Variants in SBK2 observed in about 807,000 individuals in gnomAD.
The protein encoded by SBK2 is SH3 domain binding kinase family member 2, also known as serine/threonine-protein kinase SBK2.
SBK2 carries 18 observed loss-of-function variants against 15.9 expected under a neutral mutation model. The observed-to-expected ratio is 1.13, with a 90% CI of 0.78 to 1.68. The LOEUF (loss-of-function observed/expected upper bound fraction) is 1.68. Ranked by LOEUF, SBK2 falls within the 40% of genes most tolerant of loss-of-function variation. The pLI, the probability that SBK2 is intolerant of heterozygous loss-of-function variation, is 0.00. For missense variants in SBK2, 581 were observed against 510.9 expected, an observed-to-expected ratio of 1.14 and a Z score of -1.32; for synonymous variants, 284 against 246.8, an observed-to-expected ratio of 1.15 and a Z score of -1.41.
chr19:55,533,165 T>C (rs934123564), intron 2 of SBK2, among the ~76,000 whole-genome samples: 2 of 151,520 alleles, frequency 1.3e-5, no homozygotes, highest in Non-Finnish European at 2.9e-5. Flanking sequence ...ACCCCATCTC[T>C]ACTAAAAAAT....
chr19:55,534,917 C>T (rs906264679), intron 2 of SBK2, among the ~76,000 whole-genome samples: 3 of 150,946 alleles, frequency 2.0e-5, no homozygotes, highest in Admixed American at 6.6e-5. Context: ...CCCAGCTACT[C>T]GGGGGGCTGA....
At position 55,536,252 on chromosome 19, in the gene SBK2, C is replaced by A. The variant is rs752351044; in HGVS notation, c.43G>T (p.Ala15Ser). The A allele has an allele frequency of 1.9e-6, 3 of 1,592,446 alleles. No homozygotes were observed. Among genetic ancestry groups the A allele is most frequent in the East Asian group, 4.6e-5 (2 of 43,426 alleles). ...QSEEGPAEAG[A>S]SEDSEEEGLG... is the part of the protein sequence containing the mutation. ...CCCTCCTCCTCGCTGTCCTCCGAAG[C>A]CCCTGCCTCCGCCGGCCCTTCCTCA... The change falls in exon 2 of 4, where the codon GCT (alanine) becomes TCT (serine). Residue 15 changes from alanine to serine, a missense_variant. Transcript: ENST00000413299.
rs1323576317 is a variant in SBK2, at chr19:55,529,859, C to A, written c.921G>T (p.Leu307=). 6.2e-7 allele frequency: 1 copy of A among 1,600,754 alleles called. No homozygotes were observed. Among genetic ancestry groups the A allele is most frequent in the Non-Finnish European group, 8.5e-7 (1 of 1,177,116 alleles). The change falls in exon 4 of 4, where the codon CTG becomes CTT. Residue 307 remains leucine, a synonymous_variant. Coordinates refer to ENST00000413299, the MANE Select transcript of SBK2 (RefSeq NM_001370096.2). ...TCCTCCTTCGGGGGTGAGGGTCCAG[C>A]AGCCCCCGCAGAAGCGCGTCGGCCG... ...AAAADALLRG[L]LDPHPRRRSA... is the part of the protein sequence containing the mutation.
intron 2 of SBK2, among the ~76,000 whole-genome samples, chr19:55,533,169 A>G (rs1988312199): frequency 6.6e-6 from 1 of 151,348 alleles, no homozygotes; most frequent in Admixed American, 6.6e-5. Context: ...CATCTCTACT[A>G]AAAAATACAA....
rs199864387 is a variant in SBK2 at position 55,530,021 on chromosome 19, G to C, written c.759C>G (p.Leu253=). 794 of 1,510,020 alleles carry C rather than the reference G, an allele frequency of 5.3e-4. 9 individuals are homozygous for C. The African/African-American group carries it at 0.01, about 19-fold the overall frequency. The allele number at this position is 1,510,020 out of a possible 1,614,324, so 93.5% of individuals were successfully genotyped here. A position where few individuals can be genotyped will look rare whatever the true frequency, so the allele number is the denominator to read the frequency against. ...ALDAWALGVL[L]FCLLTGYFPW... The stretch of plus-strand genomic sequence containing the variant: ...GGAAGTAGCCCGTGAGGAGGCAGAA[G>C]AGCAGGACGCCCAGCGCCCAGGCGT... The change falls in exon 4 of 4, where the codon CTC becomes CTG. Residue 253 remains leucine (L), a synonymous_variant. Transcript: ENST00000413299.
chr19:55,536,035 C>G lies in SBK2; in HGVS notation c.253+7G>C. On this transcript the variant is annotated splice_region_variant and intron_variant, in intron 2 of 3. Coordinates refer to ENST00000413299, the MANE Select transcript of SBK2 (RefSeq NM_001370096.2). Reference sequence around the variant, plus strand: ...ACCCTGCCACCTCTGGCCCCACAGCCTCGTACCTTTCTGACGATGGGTGAC... The same window carrying G: ...ACCCTGCCACCTCTGGCCCCACAGCGTCGTACCTTTCTGACGATGGGTGAC... 1.4e-6 allele frequency: 2 copies of G among 1,468,322 alleles called. No homozygotes were observed. Among genetic ancestry groups the G allele is most frequent in the Non-Finnish European group, 1.8e-6 (2 of 1,103,116 alleles). 91.0% of individuals were successfully genotyped at this position (1,468,322 alleles called of 1,614,324 possible). A position where few individuals can be genotyped will look rare whatever the true frequency, so the allele number is the denominator to read the frequency against.
Position 55,531,249 on chromosome 19 carries a change from G to A in SBK2, c.350C>T (p.Ser117Leu). ...FCVGLSLGAH[S>L]AIVTAYGIGI... ...AATGCCGTAGGCCGTCACGATGGCTGAGTGCGCGCCCAGCGAGAGCCCCAC... is the reference window on the plus strand; with the variant it reads ...AATGCCGTAGGCCGTCACGATGGCTAAGTGCGCGCCCAGCGAGAGCCCCAC... The change falls in exon 3 of 4, where the codon TCA becomes TTA. Residue 117 changes from serine to leucine, a missense_variant. Physicochemically the swap from Ser to Leu is moderately radical, Grantham distance 145. Transcript: ENST00000413299. 6.2e-7 allele frequency: 1 copy of A among 1,613,716 alleles called. No individual in the cohort carries two copies. The highest frequency in any genetic ancestry group is 1.1e-5 in the South Asian group (1 of 91,072).
chr19:55,529,632 C>T lies in SBK2; in HGVS notation c.*101G>A. 1 of 1,454,064 alleles carries T rather than the reference C, an allele frequency of 6.9e-7. No homozygotes were observed. Among genetic ancestry groups the T allele is most frequent in the Non-Finnish European group, 9.1e-7 (1 of 1,101,962 alleles). 90.1% of individuals were successfully genotyped at this position (1,454,064 alleles called of 1,614,324 possible). On this transcript the variant is annotated 3_prime_UTR_variant, in exon 4 of 4. Coordinates refer to ENST00000413299, the MANE Select transcript of SBK2 (RefSeq NM_001370096.2). ...AGGAGGAGGACGCCGAGGGGAATCC[C>T]AAGCCCCATGGATGAAAACACACCG...
At chr19:55,534,713 A>AAG (rs1476030479) in intron 2 of SBK2, among the ~76,000 whole-genome samples, 1 of 147,692 alleles carries the variant, frequency 6.8e-6, no homozygotes, top group Non-Finnish European at 1.5e-5. Flanking sequence ...TCAAAAAAAA[A>AAG]AAAAAAAGAA....
rs1437709462 is a variant in SBK2, at chr19:55,533,686, AAAAAAAAAAAAAGAAAAAG to A, written c.253+2337_254-2342del. ...AAAAAAAAAAAAAAAAAAAAAAAAAAAAAAAAAAAAAAGAAAAAGTTCCTTCCTTATCAAAAACACCAGC... is the reference window on the plus strand; with the variant it reads ...AAAAAAAAAAAAAAAAAAAAAAAAAATTCCTTCCTTATCAAAAACACCAGC... On this transcript the variant is annotated intron_variant, in intron 2 of 3. Transcript: ENST00000413299. 3.5e-5 allele frequency among the ~76,000 whole-genome samples: 5 copies of A among 142,454 alleles called. No individual in the cohort carries two copies. The East Asian group carries it at 1.0e-3, about 29-fold the overall frequency. 93.5% of individuals were successfully genotyped at this position (142,454 alleles called of 152,430 possible).
At chr19:55,531,966 G>GA (rs35311081) in intron 2 of SBK2, among the ~76,000 whole-genome samples, 122,268 of 150,834 alleles carry the variant, frequency 0.81, 49,706 homozygotes, top group African/African-American at 0.86. Context: ...GGGACAGAGT[G>GA]AAAAAAAAAT....
chr19:55,536,211 T>G lies in SBK2; in HGVS notation c.84A>C (p.Thr28=). The change falls in exon 2 of 4, where the codon ACA becomes ACC. Residue 28 remains threonine (T), a synonymous_variant. Transcript: ENST00000413299. ...CCTGGCCCTGCTGGAGCTCCTCTAA[T>G]GTCAGGCCGCCCAGACCCTCCTCCT... ...DSEEEGLGGL[T]LEELQQGQEA... 6.8e-6 allele frequency: 11 copies of G among 1,607,440 alleles called. No homozygotes were observed. The highest frequency in any genetic ancestry group is 9.3e-6 in the Non-Finnish European group (11 of 1,177,486).
rs1988398293 is a variant in SBK2, at chr19:55,536,227, C to G, written c.68G>C (p.Gly23Ala). 1 of 1,605,452 alleles carries G rather than the reference C, an allele frequency of 6.2e-7. No individual in the cohort carries two copies. Among genetic ancestry groups the G allele is most frequent in the Non-Finnish European group, 8.5e-7 (1 of 1,176,708 alleles). ...CTCCTCTAATGTCAGGCCGCCCAGA[C>G]CCTCCTCCTCGCTGTCCTCCGAAGC... ...AGASEDSEEE[G>A]LGGLTLEELQ... The change falls in exon 2 of 4, where the codon GGT (glycine) becomes GCT (alanine). Residue 23 changes from glycine to alanine, a missense_variant. Physicochemically the swap from Gly to Ala is moderately conservative, Grantham distance 60. Transcript: ENST00000413299.
chr19:55,535,973 C>G (rs767091602), intron 2 of SBK2, 69 bp downstream of exon 2: 13 of 1,378,558 alleles, frequency 9.4e-6, no homozygotes, highest in Non-Finnish European at 1.2e-5. Context: ...CCTCCCCAGC[C>G]TGGGCTACCC....
At chr19:55,531,524 C>G (rs1988267052) in intron 2 of SBK2, among the ~76,000 whole-genome samples, 179 bp from the exon 3 acceptor site, 1 of 152,210 alleles carries the variant, frequency 6.6e-6, no homozygotes, top group South Asian at 2.1e-4. Context: ...CATGGCCACC[C>G]AAGCATCACC....
At chr19:55,535,483 C>CA (rs1988375065) in intron 2 of SBK2, among the ~76,000 whole-genome samples, 1 of 152,194 alleles carries the variant, frequency 6.6e-6, no homozygotes, top group Non-Finnish European at 1.5e-5. Flanking sequence ...CACATTCACT[C>CA]AGAGGATCCA....
chr19:55,533,223 C>T (rs572129255), intron 2 of SBK2, among the ~76,000 whole-genome samples: 4 of 151,920 alleles, frequency 2.6e-5, no homozygotes, highest in South Asian at 4.2e-4. Context: ...CCCAGCTACT[C>T]GGAAGGCTGA....
rs573392216 is a variant in SBK2, at chr19:55,529,793, C to G, written c.987G>C (p.Trp329Cys). The G allele has an allele frequency of 1.5e-4, 247 of 1,604,316 alleles. 2 individuals carry two copies. The South Asian group carries it at 2.5e-3, about 16-fold the overall frequency. ...CCTCCGCCTCGCCCTCCCGCTGCCT[C>G]CAGGGGCGCCCCAGGTGCTCCCTGA... is the stretch of plus-strand genomic sequence containing the variant. ...IAIREHLGRP[W>C]RQREGEAEAV... The change falls in exon 4 of 4, where the codon TGG becomes TGC. Residue 329 changes from tryptophan to cysteine, a missense_variant. By Grantham distance (215) the Trp-to-Cys change is radical. Coordinates refer to ENST00000413299, the MANE Select transcript of SBK2 (RefSeq NM_001370096.2).
chr19:55,532,601 CTTTTT>C (rs10682612), intron 2 of SBK2, among the ~76,000 whole-genome samples: 2 of 128,374 alleles, frequency 1.6e-5, no homozygotes, highest in Non-Finnish European at 3.2e-5. Flanking sequence ...TACACCCGCC[CTTTTT>C]TTTTTTTTTT....
Sources: allele counts gnomAD v4.1 joint callset (sites outside exome capture counted in the v4.1 genomes callset), GRCh38; gene constraint gnomAD v4.1.1; transcripts MANE v1.5; gene names NCBI Gene and HGNC (gene_info 2026-07-23, HGNC 2026-07-21).